NBPF8: variants seen among roughly 807,000 people sequenced by gnomAD.
NBPF8 encodes NBPF family member NBPF8.
upstream of NBPF8, among the ~76,000 whole-genome samples, chr1:120,416,124 T>C (rs1459066568): frequency 1.3e-5 from 2 of 152,066 alleles, no homozygotes; most frequent in Admixed American, 1.3e-4. Context: ...TGGTAGTGTT[T>C]AGTCTTTGTT....
chr1:120,418,684 G>T (rs1660491467), upstream of NBPF8, among the ~76,000 whole-genome samples: 1 of 80,832 alleles, frequency 1.2e-5, no homozygotes, highest in South Asian at 3.1e-4. Flanking sequence ...CTTAGTAGCT[G>T]GTTCTACAGG....
chr1:120,432,138 A>G (rs1660897406), upstream of NBPF8: 1 of 144,584 alleles, frequency 6.9e-6, no homozygotes, highest in South Asian at 2.2e-4. Flanking sequence ...GGGGTCCCTT[A>G]TCTTGTCTCC....
chr1:120,466,018 T>C (rs1382936978), exon 25 of NBPF8: 1 of 1,611,864 alleles, frequency 6.2e-7, no homozygotes, highest in Non-Finnish European at 8.5e-7. Context: ...GCCTGAAGTC[T>C]TACAGGACTC....
At chr1:120,459,604 T>C (rs1661518055) in intron 17 of NBPF8, 74 bp downstream of exon 15, 1 of 1,375,352 alleles carries the variant, frequency 7.3e-7, no homozygotes, top group Admixed American at 1.7e-5. Context: ...TTGGGCCTTG[T>C]GCCGCTTGTT....
At chr1:120,460,432 C>T (rs1186202650) in intron 17 of NBPF8, 141 bp from the exon 16 acceptor site, 30 of 760,996 alleles carry the variant, frequency 3.9e-5, no homozygotes, top group South Asian at 2.7e-4. Context: ...GACCTCAGGC[C>T]TACTGGAATA....
upstream of NBPF8, among the ~76,000 whole-genome samples, chr1:120,431,634 C>T (rs1660884041): frequency 6.6e-6 from 1 of 150,386 alleles, no homozygotes; most frequent in East Asian, 2.0e-4. Flanking sequence ...AAAATAGCAC[C>T]TGTTGGTGAG....
At chr1:120,428,442 G>A (rs1418555839) in intron 3 of NBPF8, among the ~76,000 whole-genome samples, 1 of 152,042 alleles carries the variant, frequency 6.6e-6, no homozygotes, top group Non-Finnish European at 1.5e-5. Context: ...GGGAGATAGT[G>A]GAAGAGAAGC....
At chr1:120,422,423 C>G (rs1278909478) in intron 1 of NBPF8, among the ~76,000 whole-genome samples, 1 of 143,546 alleles carries the variant, frequency 7.0e-6, no homozygotes, top group Non-Finnish European at 1.5e-5. Context: ...CTGACAACCA[C>G]TCATCATTTT....
At chr1:120,431,252 CGTGTGTGTGTGT>C (rs1173094212) in intron 3 of NBPF8, among the ~76,000 whole-genome samples, 10 of 125,320 alleles carry the variant, frequency 8.0e-5, no homozygotes, top group Middle Eastern at 4.2e-3. Flanking sequence ...CACACACAAA[CGTGTGTGTGTGT>C]GTGTGTGTGT....
In NBPF8 at chr1:120,464,371, TC is replaced by T; in HGVS notation, n.3287-3del. The stretch of plus-strand genomic sequence containing the variant: ...CGTATTCTTTACTTTTTCCTCCTTT[TC>T]CAGGCTCAGCAGGGAGCTGCTGGAG... On this transcript the variant is annotated splice_polypyrimidine_tract_variant and splice_region_variant and intron_variant and non_coding_transcript_variant, in intron 22 of 24. Transcript: ENST00000583271. 2.6e-6 allele frequency: 2 copies of T among 779,156 alleles called. No homozygotes were observed. The highest frequency in any genetic ancestry group is 2.7e-5 in the South Asian group (2 of 74,286). 48.3% of individuals were successfully genotyped at this position (779,156 alleles called of 1,614,324 possible). A position where few individuals can be genotyped will look rare whatever the true frequency, so the allele number is the denominator to read the frequency against.
At chr1:120,420,612 G>T (rs2101444944) in intron 1 of NBPF8, among the ~76,000 whole-genome samples, 2 of 149,344 alleles carry the variant, frequency 1.3e-5, no homozygotes, top group African/African-American at 5.0e-5. Context: ...TCCAGGATGG[G>T]GAAACATGGC....
At chr1:120,418,495 A>G (rs1310915827), upstream of NBPF8, among the ~76,000 whole-genome samples, 1 of 149,732 alleles carries the variant, frequency 6.7e-6, no homozygotes, top group African/African-American at 2.5e-5. Flanking sequence ...TAAAGGGCCG[A>G]CGTGATATGA....
chr1:120,415,882 T>C (rs1443312636), upstream of NBPF8, among the ~76,000 whole-genome samples: 1 of 152,194 alleles, frequency 6.6e-6, no homozygotes, highest in African/African-American at 2.4e-5. Context: ...TTTCCCTGTA[T>C]CTGTCTTTCT....
In NBPF8 at chr1:120,465,967, T is replaced by A; in HGVS notation, n.3569-11T>A. Reference sequence around the variant, plus strand: ...CCCTGGCTGCTTCTTTAGTTTTGTCTCCTTTTCCAGGCTCAACAGCGTGCT... The same window carrying A: ...CCCTGGCTGCTTCTTTAGTTTTGTCACCTTTTCCAGGCTCAACAGCGTGCT... On this transcript the variant is annotated splice_polypyrimidine_tract_variant and intron_variant and non_coding_transcript_variant, in intron 24 of 24. Transcript: ENST00000583271. 6.2e-7 allele frequency: 1 copy of A among 1,611,852 alleles called. No individual in the cohort carries two copies. Among genetic ancestry groups the A allele is most frequent in the Non-Finnish European group, 8.5e-7 (1 of 1,179,718 alleles).
chr1:120,436,357 C>T lies in NBPF8; in HGVS notation n.5C>T, dbSNP rs2101617561. ...TTTTGTGGTGAAGGATCCTAAAGTGCTGTGGGAGTGATCACATTTTTCACA... is the reference window on the plus strand; with the variant it reads ...TTTTGTGGTGAAGGATCCTAAAGTGTTGTGGGAGTGATCACATTTTTCACA... On this transcript the variant is annotated non_coding_transcript_exon_variant, in exon 1 of 25. Transcript: ENST00000583271. The T allele has an allele frequency of 5.2e-6, 8 of 1,547,020 alleles. No individual in the cohort carries two copies. The East Asian group carries it at 1.2e-4, about 23-fold the overall frequency.
upstream of NBPF8, among the ~76,000 whole-genome samples, chr1:120,415,213 C>G (rs1553244906): frequency 6.6e-6 from 1 of 152,292 alleles, no homozygotes; most frequent in East Asian, 1.9e-4. Flanking sequence ...CGAGGCGCGG[C>G]GCACGGATGC....
intron 11 of NBPF8, among the ~76,000 whole-genome samples, chr1:120,449,687 C>A (rs1342700725): frequency 1.3e-5 from 2 of 152,110 alleles, no homozygotes; most frequent in South Asian, 2.1e-4. Flanking sequence ...GAGGCTCAAT[C>A]GTGTTTTCAA....
downstream of NBPF8, among the ~76,000 whole-genome samples, chr1:120,469,399 CAATGTT>C (rs1661851075): frequency 7.5e-6 from 1 of 132,604 alleles, no homozygotes; most frequent in Admixed American, 7.6e-5. Flanking sequence ...CTGCCCATCC[CAATGTT>C]AATCGTATCT....
At chr1:120,430,580 C>T (rs1166877499) in intron 3 of NBPF8, among the ~76,000 whole-genome samples, 5 of 136,058 alleles carry the variant, frequency 3.7e-5, no homozygotes, top group African/African-American at 1.5e-4. Flanking sequence ...CAGTGAAACC[C>T]CATCTCTACT....
Sources: allele counts gnomAD v4.1 joint callset (sites outside exome capture counted in the v4.1 genomes callset), GRCh38; gene constraint gnomAD v4.1.1; transcripts MANE v1.5; gene names NCBI Gene and HGNC (gene_info 2026-07-23, HGNC 2026-07-21).